Variants in CFAP107 observed in about 807,000 individuals in gnomAD.
CFAP107 encodes the protein cilia and flagella associated protein 107.
the CFAP107 span, among the ~76,000 whole-genome samples, chr1:12,756,856 A>G: frequency 1.3e-5 from 2 of 152,318 alleles, no homozygotes; most frequent in East Asian, 1.9e-4. Flanking sequence ...CTGCTCTGCA[A>G]ATCAGGCAAA....
At chr1:12,756,157 A>T in the CFAP107 span, among the ~76,000 whole-genome samples, 1 of 152,248 alleles carries the variant, frequency 6.6e-6, no homozygotes, top group Admixed American at 6.5e-5. Flanking sequence ...AGCAGCTGGC[A>T]GTGATGTATT....
At chr1:12,755,144 T>C in the CFAP107 span, among the ~76,000 whole-genome samples, 8 of 152,298 alleles carry the variant, frequency 5.3e-5, no homozygotes, top group East Asian at 1.5e-3. Context: ...CAGTGGCTCA[T>C]GCCTGTAATC....
At chr1:12,755,922 T>C in the CFAP107 span, 10 of 716,506 alleles carry the variant, frequency 1.4e-5, no homozygotes, top group Non-Finnish European at 2.4e-5. Flanking sequence ...AAATCAGGAG[T>C]AGTCTCATTA....
the CFAP107 span, chr1:12,753,670 C>A: frequency 6.6e-6 from 1 of 151,940 alleles, no homozygotes; most frequent in Non-Finnish European, 1.5e-5. Context: ...TATCTAGGTG[C>A]GAAAAAATAA....
chr1:12,755,833 G>T, the CFAP107 span: 1 of 1,514,176 alleles, frequency 6.6e-7, no homozygotes, highest in Non-Finnish European at 9.2e-7. Flanking sequence ...AGTGGCAACT[G>T]GGACACTCAG....
At chr1:12,748,482 C>T in the CFAP107 span, among the ~76,000 whole-genome samples, 2 of 146,718 alleles carry the variant, frequency 1.4e-5, no homozygotes, top group East Asian at 4.0e-4. Context: ...AAAAAAAAAC[C>T]ACACACAGGT....
the CFAP107 span, among the ~76,000 whole-genome samples, chr1:12,753,138 A>G: frequency 2.0e-5 from 3 of 152,204 alleles, no homozygotes; most frequent in African/African-American, 7.2e-5. Context: ...AAAATAAAGT[A>G]TTTAAGAGTA....
the CFAP107 span, among the ~76,000 whole-genome samples, chr1:12,751,707 A>AT: frequency 2.2e-4 from 34 of 152,336 alleles, no homozygotes; most frequent in Non-Finnish European, 3.5e-4. Flanking sequence ...GATTATCTAT[A>AT]TTGACTAACG....
chr1:12,752,913 T>C, the CFAP107 span, among the ~76,000 whole-genome samples: 1 of 152,144 alleles, frequency 6.6e-6, no homozygotes, highest in Non-Finnish European at 1.5e-5. Context: ...AAGGAAAATG[T>C]AAAATTTTCT....
the CFAP107 span, chr1:12,763,284 C>T: frequency 6.6e-6 from 1 of 151,992 alleles, no homozygotes; most frequent in Non-Finnish European, 1.5e-5. Flanking sequence ...AGTAAGTTTA[C>T]AAATTTATGT....
At chr1:12,755,880 A>G in the CFAP107 span, 3 of 1,059,246 alleles carry the variant, frequency 2.8e-6, no homozygotes, top group Non-Finnish European at 4.4e-6. Context: ...GACACCAGCC[A>G]GCTTCTTATA....
At chr1:12,749,220 C>T in the CFAP107 span, among the ~76,000 whole-genome samples, 1 of 152,224 alleles carries the variant, frequency 6.6e-6, no homozygotes, top group Non-Finnish European at 1.5e-5. Flanking sequence ...CTCATTGAAG[C>T]ACTTTATAAT....
At chr1:12,757,632 C>G in the CFAP107 span, among the ~76,000 whole-genome samples, 1 of 152,054 alleles carries the variant, frequency 6.6e-6, no homozygotes, top group Non-Finnish European at 1.5e-5. Context: ...GTAATCTGCC[C>G]ACCTTGGCCT....
At chr1:12,759,452 T>C in the CFAP107 span, 12 of 1,614,214 alleles carry the variant, frequency 7.4e-6, no homozygotes, top group South Asian at 1.2e-4. Flanking sequence ...CAGAAGTTGC[T>C]GTGGCTGCCA....
At chr1:12,756,073 A>T in the CFAP107 span, among the ~76,000 whole-genome samples, 37 of 152,372 alleles carry the variant, frequency 2.4e-4, no homozygotes, top group African/African-American at 8.7e-4. Context: ...AACAGAATAT[A>T]GGCAAAGAAT....
At chr1:12,760,719 C>A in the CFAP107 span, 39 of 1,566,064 alleles carry the variant, frequency 2.5e-5, no homozygotes, top group Non-Finnish European at 3.3e-5. Flanking sequence ...CCATTTAGAG[C>A]AAGACTCCTT....
chr1:12,762,171 T>A, the CFAP107 span: 2 of 152,244 alleles, frequency 1.3e-5, no homozygotes, highest in African/African-American at 4.8e-5. Flanking sequence ...TACCTTAGGG[T>A]CACTTTGGCA....
At chr1:12,753,075 A>G in the CFAP107 span, among the ~76,000 whole-genome samples, 1 of 152,228 alleles carries the variant, frequency 6.6e-6, no homozygotes, top group Non-Finnish European at 1.5e-5. Flanking sequence ...TGTAAACACT[A>G]ACAGTGAACT....
At chr1:12,757,020 A>C in the CFAP107 span, among the ~76,000 whole-genome samples, 6 of 152,236 alleles carry the variant, frequency 3.9e-5, no homozygotes, top group South Asian at 1.2e-3. Context: ...GACATCTCCA[A>C]GCAAGCTGAT....
Sources: gnomAD v4.1 joint callset for allele counts (sites outside exome capture counted in the v4.1 genomes callset) on GRCh38, gnomAD v4.1.1 for gene constraint, MANE v1.5 for transcripts, NCBI Gene and HGNC (gene_info 2026-07-23, HGNC 2026-07-21) for gene names.